The following FAM13A variants were observed in gnomAD, a reference collection of about 807,000 sequenced individuals.
FAM13A encodes family with sequence similarity 13 member A, also known as protein FAM13A.
Under a neutral mutation model 129.6 loss-of-function variants are expected in FAM13A, and 76 were observed. The observed-to-expected ratio is 0.59, with a 90% confidence interval of 0.49 to 0.71. FAM13A has a LOEUF of 0.71. Among genes scored for constraint, FAM13A ranks in the 30% least tolerant of loss-of-function variants. FAM13A has a pLI of 0.00. For missense variants in FAM13A, 1,108 were observed against 1,249.3 expected, an observed-to-expected ratio of 0.89 and a Z score of 1.70; for synonymous variants, 443 against 449.9, an observed-to-expected ratio of 0.98 and a Z score of 0.20.
intron 5 of FAM13A, among the ~76,000 whole-genome samples, chr4:88,932,803 G>T (rs779373262): frequency 6.6e-6 from 1 of 152,098 alleles, no homozygotes; most frequent in East Asian, 1.9e-4. Context: ...CACTTCCTTC[G>T]AACTAATCGC....
intron 1 of FAM13A, among the ~76,000 whole-genome samples, chr4:89,042,435 AAATC>A (rs1423573455): frequency 6.6e-6 from 1 of 152,220 alleles, no homozygotes; most frequent in Non-Finnish European, 1.5e-5. Context: ...AGCCGTCTAA[AAATC>A]AATTTTCTAA....
chr4:88,739,246 C>G (rs949097601), intron 19 of FAM13A, 121 bp from the exon 20 acceptor site: 1 of 679,128 alleles, frequency 1.5e-6, no homozygotes, highest in Non-Finnish European at 2.7e-6. Context: ...TTAAGTCTTA[C>G]TACCCTCACA....
intron 3 of FAM13A, among the ~76,000 whole-genome samples, chr4:88,995,451 G>C (rs1347187808): frequency 6.6e-6 from 1 of 152,174 alleles, no homozygotes; most frequent in African/African-American, 2.4e-5. Context: ...AGAGGAACAT[G>C]GAAGGACTAG....
chr4:88,827,435 A>G (rs1346944688), intron 7 of FAM13A, among the ~76,000 whole-genome samples: 1 of 152,202 alleles, frequency 6.6e-6, no homozygotes, highest in Non-Finnish European at 1.5e-5. Context: ...AAAAGCTCTG[A>G]GGCTGCTCTG....
intron 6 of FAM13A, among the ~76,000 whole-genome samples, chr4:88,872,186 A>G (rs1579051705): frequency 6.6e-6 from 1 of 152,240 alleles, no homozygotes; most frequent in African/African-American, 2.4e-5. Context: ...AGCCACTGCA[A>G]AAATATGACG....
At chr4:88,770,305 T>G (rs1320946232) in intron 11 of FAM13A, among the ~76,000 whole-genome samples, 1 of 152,242 alleles carries the variant, frequency 6.6e-6, no homozygotes. Context: ...CAAAGAATCT[T>G]TGTTCCCATT....
chr4:88,742,596 C>T (rs1740496604), intron 19 of FAM13A, among the ~76,000 whole-genome samples: 1 of 152,172 alleles, frequency 6.6e-6, no homozygotes, highest in Non-Finnish European at 1.5e-5. Flanking sequence ...AGTGATACTA[C>T]AAGTTAATGC....
chr4:88,984,892 A>C (rs375657351), intron 4 of FAM13A, among the ~76,000 whole-genome samples: 65 of 152,314 alleles, frequency 4.3e-4, no homozygotes, highest in Middle Eastern at 6.8e-3. Context: ...TAGTTCCTCA[A>C]AATTTTAAAC....
intron 1 of FAM13A, among the ~76,000 whole-genome samples, chr4:89,038,886 T>C (rs1381978552): frequency 6.6e-6 from 1 of 152,154 alleles, no homozygotes; most frequent in African/African-American, 2.4e-5. Context: ...TCAAAAAGAT[T>C]ACCTCACAGA....
chr4:88,753,297 G>C (rs1214363672), intron 14 of FAM13A, among the ~76,000 whole-genome samples: 1 of 152,162 alleles, frequency 6.6e-6, no homozygotes, highest in Non-Finnish European at 1.5e-5. Context: ...GATGCTTTGT[G>C]GCTAACGGCA....
At chr4:89,056,776 C>T (rs566240258) in intron 1 of FAM13A, among the ~76,000 whole-genome samples, 162 bp downstream of exon 1, 1 of 152,278 alleles carries the variant, frequency 6.6e-6, no homozygotes, top group South Asian at 2.1e-4. Context: ...CAAATCCTGC[C>T]TAATACCCAT....
chr4:88,823,277 C>T, intron 7 of FAM13A: 1 of 1,250,706 alleles, frequency 8.0e-7, no homozygotes, highest in Non-Finnish European at 1.0e-6. Flanking sequence ...GCAGCTGAAC[C>T]ACCGGGCCAA....
At chr4:88,733,963 T>TA (rs1738429337) in intron 21 of FAM13A, among the ~76,000 whole-genome samples, 1 of 152,222 alleles carries the variant, frequency 6.6e-6, no homozygotes, top group African/African-American at 2.4e-5. Flanking sequence ...TTTTTTGAGA[T>TA]AAATGTAACA....
At chr4:88,806,454 A>G (rs1006913218) in intron 7 of FAM13A, among the ~76,000 whole-genome samples, 2 of 152,332 alleles carry the variant, frequency 1.3e-5, no homozygotes, top group Middle Eastern at 3.4e-3. Flanking sequence ...TGCAGTCAAT[A>G]AACTCTTATT....
At chr4:88,988,943 C>T (rs774576641) in intron 4 of FAM13A, among the ~76,000 whole-genome samples, 2 of 152,108 alleles carry the variant, frequency 1.3e-5, no homozygotes, top group Non-Finnish European at 2.9e-5. Flanking sequence ...ACATGAGGGT[C>T]GGGCCTGTAA....
chr4:88,978,336 T>C (rs891158822), intron 4 of FAM13A, among the ~76,000 whole-genome samples: 3 of 152,186 alleles, frequency 2.0e-5, no homozygotes, highest in Non-Finnish European at 4.4e-5. Context: ...CCATGAGGAA[T>C]AGATAACTAA....
intron 11 of FAM13A, among the ~76,000 whole-genome samples, chr4:88,775,938 CTTGCCATA>C (rs1721624647): frequency 6.6e-6 from 1 of 152,212 alleles, no homozygotes; most frequent in African/African-American, 2.4e-5. Context: ...ACGTGCTTTA[CTTGCCATA>C]GCTATGAAGT....
At chr4:88,971,710 GT>G (rs1166141034) in intron 4 of FAM13A, among the ~76,000 whole-genome samples, 12 of 152,054 alleles carry the variant, frequency 7.9e-5, no homozygotes, top group African/African-American at 2.7e-4. Context: ...GAGTCTCACT[GT>G]GTTGCCCAAT....
chr4:88,985,058 T>A (rs1762070506), intron 4 of FAM13A, among the ~76,000 whole-genome samples: 1 of 152,186 alleles, frequency 6.6e-6, no homozygotes, highest in South Asian at 2.1e-4. Context: ...ACTAATGAGT[T>A]GATAAACACA....
Sources: gnomAD v4.1 joint callset for allele counts (sites outside exome capture counted in the v4.1 genomes callset) on GRCh38, gnomAD v4.1.1 for gene constraint, MANE v1.5 for transcripts, NCBI Gene and HGNC (gene_info 2026-07-23, HGNC 2026-07-21) for gene names.